C3: variants seen among roughly 807,000 people sequenced by gnomAD.
The protein encoded by C3 is C3 and PZP-like alpha-2-macroglobulin domain-containing protein 1.
In C3, 97 loss-of-function variants were observed where a neutral mutation model predicts 207.9. The observed-to-expected ratio is 0.47, with a 90% CI of 0.40 to 0.55. The LOEUF (loss-of-function observed/expected upper bound fraction) is 0.55. Among genes scored for constraint, C3 ranks in the 20% least tolerant of loss-of-function variants. The pLI is 0.00. For synonymous variants in C3, 848 were observed against 857.6 expected (o/e 0.99, Z 0.20); for missense variants, 1,684 against 2,171.7 (o/e 0.78, Z 4.46).
chr19:6,693,490 G>A lies in C3; in HGVS notation c.3155-3C>T, dbSNP rs1399811328. 2.5e-6 allele frequency: 4 copies of A among 1,611,142 alleles called. No homozygotes were observed. The highest frequency in any genetic ancestry group is 4.5e-5 in the East Asian group (2 of 44,812). Reference sequence around the variant, plus strand: ...GAAGGCCAGCTGCTGGGTGTACCCTGCAGAGAAGAGAGAGGAACCCCCAAA... The same window carrying A: ...GAAGGCCAGCTGCTGGGTGTACCCTACAGAGAAGAGAGAGGAACCCCCAAA... On this transcript the variant is annotated splice_region_variant and splice_polypyrimidine_tract_variant and intron_variant, in intron 24 of 40. Coordinates refer to ENST00000245907, the MANE Select transcript of C3 (RefSeq NM_000064.4).
In C3 at chr19:6,694,433, T is replaced by G. The variant is rs575541524; in HGVS notation, c.3152A>C (p.Lys1051Thr). 7 of 1,613,764 alleles carry G rather than the reference T, an allele frequency of 4.3e-6. No individual in the cohort carries two copies. Among genetic ancestry groups the G allele is most frequent in the Non-Finnish European group, 5.9e-6 (7 of 1,179,706 alleles). The change falls in exon 24 of 41, where the codon AAG (lysine) becomes ACG (threonine). Residue 1051 changes from lysine to threonine, a missense_variant and splice_region_variant. Lys to Thr is a moderately conservative substitution (Grantham distance 78). Coordinates refer to ENST00000245907, the MANE Select transcript of C3 (RefSeq NM_000064.4). ...KRQGALELIK[K>T]GYTQQLAFRQ... ...TCCAAGAGGGGCAGGGAGCCCACCC[T>G]TCTTGATGAGCTCCAAGGCCCCCTG... is the stretch of plus-strand genomic sequence containing the variant.
chr19:6,692,953 C>T lies in C3; in HGVS notation c.3361G>A (p.Asp1121Asn), dbSNP rs1599505978. ...KQKPDGVFQE[D>N]APVIHQEMIG... Reference sequence around the variant, plus strand: ...ATTTCTTGGTGTATCACGGGCGCATCCTCCTGGAAGACCCCGTCGGGCTTC... The same window carrying T: ...ATTTCTTGGTGTATCACGGGCGCATTCTCCTGGAAGACCCCGTCGGGCTTC... Residue 1121 changes from aspartate to asparagine, a missense_variant, in exon 26 of 41, where the codon GAT becomes AAT. Coordinates refer to ENST00000245907, the MANE Select transcript of C3 (RefSeq NM_000064.4). The T allele has an allele frequency of 6.2e-7, 1 of 1,614,164 alleles. No homozygotes were observed. The highest frequency in any genetic ancestry group is 8.5e-7 in the Non-Finnish European group (1 of 1,180,034).
chr19:6,709,308 C>A (rs1051281753), intron 14 of C3, among the ~76,000 whole-genome samples: 1 of 152,062 alleles, frequency 6.6e-6, no homozygotes, highest in Admixed American at 6.5e-5. Context: ...ATTAGCTGGG[C>A]GTGGTGATGG....
intron 15 of C3, 79 bp downstream of exon 15, chr19:6,707,721 G>C (rs1967810318): frequency 1.9e-6 from 3 of 1,598,938 alleles, no homozygotes; most frequent in African/African-American, 2.7e-5. Context: ...CAGGCCCCCG[G>C]TTTCCAGAGC....
At chr19:6,692,585 G>A (rs1395164716) in intron 26 of C3, among the ~76,000 whole-genome samples, 1 of 152,086 alleles carries the variant, frequency 6.6e-6, no homozygotes, top group African/African-American at 2.4e-5. Flanking sequence ...AGAAGGAGGT[G>A]ATTCTTATAA....
At chr19:6,686,695 C>A (rs1918017393) in intron 28 of C3, 51 bp downstream of exon 28, 1 of 1,583,866 alleles carries the variant, frequency 6.3e-7, no homozygotes, top group African/African-American at 1.3e-5. Context: ...GTATCTCCCG[C>A]CCTGAACTTC....
intron 27 of C3, among the ~76,000 whole-genome samples, chr19:6,690,247 G>C (rs1468728578): frequency 6.6e-6 from 1 of 152,192 alleles, no homozygotes; most frequent in East Asian, 1.9e-4. Context: ...CAACTGTACT[G>C]ATCATGTAGC....
intron 17 of C3, among the ~76,000 whole-genome samples, chr19:6,703,380 G>T (rs143310849): frequency 1.1e-3 from 166 of 152,244 alleles, no homozygotes; most frequent in Admixed American, 5.2e-4. Context: ...GGCCGAGGCG[G>T]GTGGATCACT....
Position 6,707,485 on chromosome 19 carries a change from C to T in C3, c.2028G>A (p.Thr676=), listed in dbSNP as rs768621660. 6.8e-6 allele frequency: 11 copies of T among 1,614,040 alleles called. No homozygotes were observed. In the Admixed American group the frequency reaches 1.2e-4, roughly 17 times the overall value. ...TCCCACCTTTGTCCATTCGCTTCTC[C>T]GTGAGCTGCACGGAACGGCGTCGGC... ...AARRRRSVQL[T]EKRMDKVGKY... is the part of the protein sequence containing the mutation. Residue 676 remains threonine, a synonymous_variant, in exon 16 of 41, where the codon ACG becomes ACA. Coordinates refer to ENST00000245907, the MANE Select transcript of C3 (RefSeq NM_000064.4).
intron 4 of C3, among the ~76,000 whole-genome samples, chr19:6,716,221 G>C (rs1276847627): frequency 6.6e-6 from 1 of 151,824 alleles, no homozygotes; most frequent in African/African-American, 2.4e-5. Context: ...CATTGCATTT[G>C]CCCCAATTAT....
chr19:6,689,479 G>A (rs1307837180), intron 27 of C3, among the ~76,000 whole-genome samples: 1 of 151,708 alleles, frequency 6.6e-6, no homozygotes, highest in Non-Finnish European at 1.5e-5. Context: ...TCCTAAGGGG[G>A]GAGAAGCCAC....
At chr19:6,683,731 G>C (rs1344671257) in intron 33 of C3, among the ~76,000 whole-genome samples, 1 of 152,120 alleles carries the variant, frequency 6.6e-6, no homozygotes, top group Non-Finnish European at 1.5e-5. Flanking sequence ...GATTACAGGC[G>C]CGAGCCGCCA....
At chr19:6,705,672 GT>G (rs1462087409) in intron 17 of C3, among the ~76,000 whole-genome samples, 1 of 124,208 alleles carries the variant, frequency 8.1e-6, no homozygotes, top group Non-Finnish European at 1.7e-5. Context: ...TTCTTTTTTT[GT>G]TTTGTTTTGT....
chr19:6,690,181 A>G (rs565399679), intron 27 of C3, among the ~76,000 whole-genome samples: 2 of 152,206 alleles, frequency 1.3e-5, no homozygotes, highest in Non-Finnish European at 2.9e-5. Flanking sequence ...CCTCTGGACT[A>G]AGGAAATAGT....
chr19:6,692,382 C>T (rs1290383537), intron 26 of C3, among the ~76,000 whole-genome samples: 1 of 152,156 alleles, frequency 6.6e-6, no homozygotes, highest in Non-Finnish European at 1.5e-5. Context: ...CAGGGGGAGC[C>T]ACGGGACTTT....
At chr19:6,707,054 G>A in intron 17 of C3, 22 bp downstream of exon 17, 13 of 1,447,242 alleles carry the variant, frequency 9.0e-6, no homozygotes, top group Non-Finnish European at 1.2e-5. Flanking sequence ...CCCTCCCCCT[G>A]TCCCCACCCC....
rs141737564 is a variant in C3 at position 6,712,585 on chromosome 19, T to C, written c.1042A>G (p.Ile348Val). Residue 348 changes from isoleucine to valine, a missense_variant, in exon 10 of 41, where the codon ATC (isoleucine) becomes GTC (valine). Physicochemically the swap from Ile to Val is conservative, Grantham distance 29. This residue lies in a region of C3 where 1,280 missense variants were observed against 1,739.1 expected (regional missense o/e 0.74). Coordinates refer to ENST00000245907, the MANE Select transcript of C3 (RefSeq NM_000064.4). Reference sequence around the variant, plus strand: ...TGGATCTGGTAGGGAGAGGTCACGATGGGGATCCCGCTGCGCTCTGCCTGC... The same window carrying C: ...TGGATCTGGTAGGGAGAGGTCACGACGGGGATCCCGCTGCGCTCTGCCTGC... Reference protein sequence around the residue: ...MVQAERSGIPIVTSPYQIHFT... With the variant: ...MVQAERSGIPVVTSPYQIHFT... The C allele has an allele frequency of 7.2e-5, 116 of 1,614,126 alleles. No homozygotes were observed. Among genetic ancestry groups the C allele is most frequent in the Non-Finnish European group, 9.5e-5 (112 of 1,179,990 alleles).
At position 6,707,129 on chromosome 19, in the gene C3, A is replaced by T. The variant is rs756766603; in HGVS notation, c.2192T>A (p.Ile731Asn). 1.2e-6 allele frequency: 2 copies of T among 1,613,172 alleles called. No individual in the cohort carries two copies. The highest frequency in any genetic ancestry group is 4.5e-5 in the East Asian group (2 of 44,818). Residue 731 changes from isoleucine to asparagine, a missense_variant, in exon 17 of 41, where the codon ATC becomes AAC. By Grantham distance (149) the Ile-to-Asn change is moderately radical (BLOSUM62 -3). Transcript: ENST00000245907. ...KKVFLDCCNY[I>N]TELRRQHARA... ...CGCGTGCTGCCGCCGCAGCTCTGTG[A>T]TGTAGTTGCAGCAGTCCAGGAAGAC...
rs545336821 is a variant in C3 at position 6,698,874 on chromosome 19, A to T, written c.2441-1080T>A. Among the ~76,000 whole-genome samples the T allele has an allele frequency of 2.0e-5, 3 of 152,026 alleles. No homozygotes were observed. The South Asian group carries it at 6.2e-4, about 32-fold the overall frequency. On this transcript the variant is annotated intron_variant, in intron 19 of 40. Transcript: ENST00000245907. ...CAGTGGCGTGATCTTGGCTCACTAC[A>T]ACCTCTATATCCTGGGTTCAAGCAA...
Sources: gnomAD v4.1 joint callset for allele counts (sites outside exome capture counted in the v4.1 genomes callset) on GRCh38, gnomAD v4.1.1 for gene constraint, gnomAD v4.1.1 regional missense constraint, MANE v1.5 for transcripts, NCBI Gene and HGNC (gene_info 2026-07-23, HGNC 2026-07-21) for gene names.